Variants in ADAM18 observed in about 807,000 individuals in gnomAD.
The protein encoded by ADAM18 is ADAM metallopeptidase domain 18.
In ADAM18, 117 loss-of-function variants were observed where a neutral mutation model predicts 94.4. The observed-to-expected ratio is 1.24, with a 90% CI of 1.07 to 1.45. The LOEUF (loss-of-function observed/expected upper bound fraction) is 1.45, where lower values mean the gene tolerates loss of function less well. ADAM18 is among the 40% of genes most tolerant of loss of function. The probability of loss-of-function intolerance (pLI) is 0.00; values close to 1 mark genes in which losing one functional copy is unlikely to be tolerated. For missense variants in ADAM18, 936 were observed against 880.0 expected, an observed-to-expected ratio of 1.06 and a Z score of -0.81; for synonymous variants, 327 against 291.6, an observed-to-expected ratio of 1.12 and a Z score of -1.24.
At chr8:39,596,159 G>T (rs1242177013) in intron 2 of ADAM18, among the ~76,000 whole-genome samples, 1 of 152,156 alleles carries the variant, frequency 6.6e-6, no homozygotes, top group African/African-American at 2.4e-5. Context: ...TCAGATCTCA[G>T]ATGTTTGTTT....
chr8:39,658,298 A>G (rs998094020), intron 12 of ADAM18, among the ~76,000 whole-genome samples: 1 of 152,156 alleles, frequency 6.6e-6, no homozygotes, highest in Non-Finnish European at 1.5e-5. Flanking sequence ...GGCAAAAGGA[A>G]CTTCGCAGGT....
intron 17 of ADAM18, among the ~76,000 whole-genome samples, chr8:39,703,182 T>G (rs1209996712): frequency 6.6e-6 from 1 of 152,096 alleles, no homozygotes; most frequent in Non-Finnish European, 1.5e-5. Context: ...GTAGTTCTTG[T>G]AGAGACCTTT....
At chr8:39,703,962 A>C (rs911887845) in intron 17 of ADAM18, among the ~76,000 whole-genome samples, 3 of 152,268 alleles carry the variant, frequency 2.0e-5, no homozygotes, top group South Asian at 2.1e-4. Context: ...AGAAAATTAG[A>C]AGAAATGGAT....
rs1016419695 is a variant in ADAM18, at chr8:39,652,485, A to G, written c.1230+3958A>G. On this transcript the variant is annotated intron_variant, in intron 12 of 19. Transcript: ENST00000265707. The stretch of plus-strand genomic sequence containing the variant: ...AATCACAGTAATTCAAATTAAAATC[A>G]GAAAGAGATATTACCTCACACCTGT... Among the ~76,000 whole-genome samples the G allele has an allele frequency of 1.3e-5, 2 of 152,220 alleles. 1 individual carries two copies. The highest frequency in any genetic ancestry group is 2.9e-5 in the Non-Finnish European group (2 of 68,030).
At chr8:39,636,160 A>T (rs1430282156) in intron 7 of ADAM18, among the ~76,000 whole-genome samples, 3 of 152,198 alleles carry the variant, frequency 2.0e-5, no homozygotes, top group East Asian at 1.9e-4. Context: ...CTGGGACTAC[A>T]GGCATGCACC....
chr8:39,638,709 A>C (rs563915833), intron 10 of ADAM18, among the ~76,000 whole-genome samples, 163 bp downstream of exon 10: 3 of 152,032 alleles, frequency 2.0e-5, no homozygotes, highest in Middle Eastern at 3.4e-3. Flanking sequence ...AATCTCAGAA[A>C]GTTTATTTAT....
chr8:39,704,524 A>C (rs985095465), intron 17 of ADAM18, among the ~76,000 whole-genome samples: 8 of 152,128 alleles, frequency 5.3e-5, no homozygotes, highest in Admixed American at 3.3e-4. Context: ...AATTTTTTAT[A>C]AATCATTTTT....
rs988037402 is a variant in ADAM18 at position 39,617,232 on chromosome 8, C to T, written c.522+6526C>T. Among the ~76,000 whole-genome samples, 31 of 152,052 alleles carry T rather than the reference C, an allele frequency of 2.0e-4. 1 individual carries two copies. Among genetic ancestry groups the T allele is most frequent in the Middle Eastern group, 6.4e-3 (2 of 314 alleles). On this transcript the variant is annotated intron_variant, in intron 6 of 19. Coordinates refer to ENST00000265707, the MANE Select transcript of ADAM18 (RefSeq NM_014237.3). Reference sequence around the variant, plus strand: ...AGAAAACATACATGCAGCCAACAAGCATATGAAAAAATGCTCATCATCAGT... The same window carrying T: ...AGAAAACATACATGCAGCCAACAAGTATATGAAAAAATGCTCATCATCAGT...
chr8:39,700,925 T>TA (rs1289222913), intron 17 of ADAM18, among the ~76,000 whole-genome samples: 8 of 150,218 alleles, frequency 5.3e-5, no homozygotes, highest in Admixed American at 1.3e-4. Flanking sequence ...CCATCCTGGC[T>TA]AAAAAAAACG....
intron 16 of ADAM18, among the ~76,000 whole-genome samples, chr8:39,688,854 C>G (rs1020586708): frequency 5.3e-5 from 8 of 152,144 alleles, no homozygotes; most frequent in African/African-American, 1.9e-4. Context: ...CCTTTTTCTC[C>G]ACAACTTTGA....
intron 6 of ADAM18, among the ~76,000 whole-genome samples, chr8:39,621,062 A>G (rs1819600722): frequency 1.3e-5 from 2 of 152,162 alleles, no homozygotes; most frequent in Non-Finnish European, 2.9e-5. Context: ...TCTAGACTAT[A>G]TAAATAACTC....
intron 12 of ADAM18, among the ~76,000 whole-genome samples, chr8:39,656,389 G>T (rs746091635): frequency 6.6e-6 from 1 of 152,140 alleles, no homozygotes; most frequent in Non-Finnish European, 1.5e-5. Flanking sequence ...AGTGTAGAAA[G>T]GATGCCTTTA....
intron 10 of ADAM18, among the ~76,000 whole-genome samples, chr8:39,644,377 A>C (rs1046698441): frequency 6.6e-6 from 1 of 152,086 alleles, no homozygotes; most frequent in Non-Finnish European, 1.5e-5. Flanking sequence ...TGCAACCCCA[A>C]ACTCCTGGGC....
chr8:39,605,406 T>C (rs1410444242), intron 2 of ADAM18, among the ~76,000 whole-genome samples: 2 of 152,328 alleles, frequency 1.3e-5, no homozygotes, highest in South Asian at 2.1e-4. Context: ...CCTGGAGGTA[T>C]AGTCTTCCTC....
At chr8:39,724,457 C>G (rs1165689871) in intron 19 of ADAM18, among the ~76,000 whole-genome samples, 1 of 150,746 alleles carries the variant, frequency 6.6e-6, no homozygotes, top group African/African-American at 2.4e-5. Flanking sequence ...TCTTTTTTTT[C>G]TTGTTCAGAC....
chr8:39,726,650 T>C (rs1229208449), intron 19 of ADAM18, among the ~76,000 whole-genome samples: 5 of 152,174 alleles, frequency 3.3e-5, no homozygotes, highest in Non-Finnish European at 7.3e-5. Context: ...GAGCTTTCTC[T>C]CTATTTTCTG....
intron 14 of ADAM18, among the ~76,000 whole-genome samples, chr8:39,671,776 A>G (rs1225530585): frequency 6.6e-6 from 1 of 152,176 alleles, no homozygotes; most frequent in African/African-American, 2.4e-5. Flanking sequence ...CTGAAAATAG[A>G]GAAAAGGCAC....
At chr8:39,727,528 T>A (rs1822951147) in intron 19 of ADAM18, among the ~76,000 whole-genome samples, 1 of 152,210 alleles carries the variant, frequency 6.6e-6, no homozygotes. Context: ...TCATCTTTAG[T>A]TCAAGCTTCC....
At chr8:39,615,533 C>A (rs1349797802) in intron 6 of ADAM18, among the ~76,000 whole-genome samples, 1 of 152,064 alleles carries the variant, frequency 6.6e-6, no homozygotes, top group Non-Finnish European at 1.5e-5. Flanking sequence ...ATGTAAAGAA[C>A]CCTTAACAAA....
Sources: allele counts gnomAD v4.1 joint callset (sites outside exome capture counted in the v4.1 genomes callset), GRCh38; gene constraint gnomAD v4.1.1; transcripts MANE v1.5; gene names NCBI Gene and HGNC (gene_info 2026-07-23, HGNC 2026-07-21).